The following XKR8 variants were observed in gnomAD, a reference collection of about 807,000 sequenced individuals.
XKR8 encodes XK-related protein 8.
In XKR8, 10 loss-of-function variants were observed where a neutral mutation model predicts 17.1. The observed-to-expected ratio is 0.59, with a 90% confidence interval of 0.36 to 0.99. The LOEUF (loss-of-function observed/expected upper bound fraction) is 0.99, where lower values mean the gene tolerates loss of function less well. Ranked by LOEUF, XKR8 falls within the 50% of genes least tolerant of loss-of-function variation. The pLI is 0.01. For missense variants in XKR8, 411 were observed against 515.6 expected (o/e 0.80, Z 1.96); for synonymous variants, 213 against 251.9 (o/e 0.85, Z 1.46).
rs1221093909 is a variant in XKR8 at position 27,967,277 on chromosome 1, G to A, written c.*77G>A. On this transcript the variant is annotated 3_prime_UTR_variant, in exon 3 of 3. Coordinates refer to ENST00000373884, the MANE Select transcript of XKR8 (RefSeq NM_018053.4). This position sits in a 1 kb window ranked among gnomAD's most constrained non-coding sequence, Gnocchi z 4.3. ...GTGACTCTGTTGGCAGAAGGCAGGC[G>A]AGGATAAGCTAACGATGCTGCTGTG... is the stretch of plus-strand genomic sequence containing the variant. The A allele has an allele frequency of 2.7e-5, 39 of 1,461,962 alleles. No individual in the cohort carries two copies. Among genetic ancestry groups the A allele is most frequent in the South Asian group, 4.1e-5 (3 of 72,566 alleles). 90.6% of individuals were successfully genotyped at this position (1,461,962 alleles called of 1,614,324 possible). A position where few individuals can be genotyped will look rare whatever the true frequency, so the allele number is the denominator to read the frequency against.
chr1:27,963,545 G>A lies in XKR8; in HGVS notation c.342G>A (p.Glu114=), dbSNP rs773851805. ...GGCTGCTGGTGTGGCAGCAGGAGGA[G>A]CCCTCTGAGTTTGACTTGGCCTACG... ...RQGLLVWQQE[E]PSEFDLAYAD... The change falls in exon 2 of 3, where the codon GAG becomes GAA. Residue 114 remains glutamate (E), a synonymous_variant. Transcript: ENST00000373884. The A allele has an allele frequency of 1.9e-5, 31 of 1,613,776 alleles. No individual in the cohort carries two copies. Among genetic ancestry groups the A allele is most frequent in the South Asian group, 3.3e-5 (3 of 91,068 alleles).
rs1428674601 is a variant in XKR8, at chr1:27,960,047, G to GAGAGGGC, written c.-22_-16dup. The stretch of plus-strand genomic sequence containing the variant: ...GCAGGCCCCAACCGCGGAGGAGCAG[G>GAGAGGGC]AGAGGGCGGAGGCCGGCGGGCCATG... On this transcript the variant is annotated 5_prime_UTR_variant, in exon 1 of 3. Coordinates refer to ENST00000373884, the MANE Select transcript of XKR8 (RefSeq NM_018053.4). The surrounding 1 kb of genome is among the most constrained non-coding windows in gnomAD (Gnocchi z 5.9). 2 of 1,408,234 alleles carry GAGAGGGC rather than the reference G, an allele frequency of 1.4e-6. No homozygotes were observed. The highest frequency in any genetic ancestry group is 1.8e-6 in the Non-Finnish European group (2 of 1,086,634). 87.2% of individuals were successfully genotyped at this position (1,408,234 alleles called of 1,614,324 possible).
chr1:27,960,238 T>C lies in XKR8; in HGVS notation c.169T>C (p.Ser57Pro). The change falls in exon 1 of 3, where the codon TCC (serine) becomes CCC (proline). Residue 57 changes from serine to proline, a missense_variant. Physicochemically the swap from Ser to Pro is moderately conservative, Grantham distance 74 (BLOSUM62 -1). Transcript: ENST00000373884. The surrounding 1 kb of genome is among the most constrained non-coding windows in gnomAD (Gnocchi z 5.9). Reference sequence around the variant, plus strand: ...GGTGCTGGCGCTGCTGGGCCTGGCCTCCGTGGCGCTGCAGCTCTTCAGCTG... The same window carrying C: ...GGTGCTGGCGCTGCTGGGCCTGGCCCCCGTGGCGCTGCAGCTCTTCAGCTG... Reference protein sequence around the residue: ...ALVLALLGLASVALQLFSWLW... With the variant: ...ALVLALLGLAPVALQLFSWLW... 6.6e-7 allele frequency: 1 copy of C among 1,526,250 alleles called. No individual in the cohort carries two copies. Among genetic ancestry groups the C allele is most frequent in the East Asian group, 2.5e-5 (1 of 40,116 alleles). The allele number at this position is 1,526,250 out of a possible 1,614,324, so 94.5% of individuals were successfully genotyped here.
In XKR8 at chr1:27,965,761, A is replaced by C. The variant is rs1187139949; in HGVS notation, c.491-742A>C. On this transcript the variant is annotated intron_variant, in intron 2 of 2. Coordinates refer to ENST00000373884, the MANE Select transcript of XKR8 (RefSeq NM_018053.4). This position sits in a 1 kb window ranked among gnomAD's most constrained non-coding sequence, Gnocchi z 4.1. ...GGCGCCTAATAGGTTCCCAGTAAAC[A>C]TCTGTCGAATGACTGCGGTGGACGG... is the stretch of plus-strand genomic sequence containing the variant. Among the ~76,000 whole-genome samples the C allele has an allele frequency of 6.6e-6, 1 of 152,194 alleles. No homozygotes were observed. The highest frequency in any genetic ancestry group is 6.5e-5 in the Admixed American group (1 of 15,276).
At position 27,960,288 on chromosome 1, in the gene XKR8, C is replaced by G; in HGVS notation, c.219C>G (p.Ala73=). Residue 73 remains alanine (A), a synonymous_variant, in exon 1 of 3, where the codon GCC becomes GCG. Coordinates refer to ENST00000373884, the MANE Select transcript of XKR8 (RefSeq NM_018053.4). This position sits in a 1 kb window ranked among gnomAD's most constrained non-coding sequence, Gnocchi z 5.9. ...FSWLWLRADP[A]GLHGSQPPRR... is the part of the protein sequence containing the mutation. ...GGCTCTGGCTGCGCGCTGACCCTGC[C>G]GGCCTGCACGGGTCGCAGCCCCCGC... The G allele has an allele frequency of 2.0e-6, 3 of 1,492,476 alleles. No individual in the cohort carries two copies. The highest frequency in any genetic ancestry group is 2.7e-6 in the Non-Finnish European group (3 of 1,127,818). The allele number at this position is 1,492,476 out of a possible 1,614,324, so 92.5% of individuals were successfully genotyped here.
rs1266806875 is a variant in XKR8 at position 27,965,556 on chromosome 1, G to C, written c.491-947G>C. ...GGCTCTTCAAGCTGGGGCCTGCGGG[G>C]TAATGGAGGAGTAGGCCGGGGAAGT... On this transcript the variant is annotated intron_variant, in intron 2 of 2. Coordinates refer to ENST00000373884, the MANE Select transcript of XKR8 (RefSeq NM_018053.4). This position sits in a 1 kb window ranked among gnomAD's most constrained non-coding sequence, Gnocchi z 4.1. Among the ~76,000 whole-genome samples the C allele has an allele frequency of 6.6e-6, 1 of 152,148 alleles. No individual in the cohort carries two copies. Among genetic ancestry groups the C allele is most frequent in the Non-Finnish European group, 1.5e-5 (1 of 68,020 alleles).
chr1:27,960,366 A>C lies in XKR8; in HGVS notation c.293+4A>C. On this transcript the variant is annotated splice_donor_region_variant and intron_variant, in intron 1 of 2. Coordinates refer to ENST00000373884, the MANE Select transcript of XKR8 (RefSeq NM_018053.4). The surrounding 1 kb of genome is among the most constrained non-coding windows in gnomAD (Gnocchi z 5.9). Reference sequence around the variant, plus strand: ...TGCAGCTGGGTTACCTGTACAGGTGAGTGCTTCGCCCCGGGAGGGGAGGAG... The same window carrying C: ...TGCAGCTGGGTTACCTGTACAGGTGCGTGCTTCGCCCCGGGAGGGGAGGAG... 1 of 1,371,460 alleles carries C rather than the reference A, an allele frequency of 7.3e-7. No homozygotes were observed. Among genetic ancestry groups the C allele is most frequent in the Non-Finnish European group, 9.4e-7 (1 of 1,066,844 alleles). 85.0% of individuals were successfully genotyped at this position (1,371,460 alleles called of 1,614,324 possible).
rs1299132126 is a variant in XKR8, at chr1:27,967,184, CG to C, written c.1173del (p.Pro392GlnfsTer2). The stretch of plus-strand genomic sequence containing the variant: ...CCCAAGGCTAAGGATGAGGCTGCTT[CG>C]CCAGTGAAGGGATAGGTGAACGGCG... ...FFPKAKDEAA[S>X]PVKG On this transcript the variant is annotated frameshift_variant, in exon 3 of 3. Transcript: ENST00000373884. LOFTEE classifies it high-confidence loss of function. The surrounding 1 kb of genome is among the most constrained non-coding windows in gnomAD (Gnocchi z 4.3). 1 of 1,556,970 alleles carries C rather than the reference CG, an allele frequency of 6.4e-7. No individual in the cohort carries two copies. The highest frequency in any genetic ancestry group is 8.7e-7 in the Non-Finnish European group (1 of 1,149,050).
At position 27,967,427 on chromosome 1, in the gene XKR8, G is replaced by A. The variant is rs1638599420; in HGVS notation, c.*227G>A. ...AACAAGATGAGAAGGGCTGGGCCCT[G>A]GAGGGTCAAGAGCCCCAATTATGTA... is the stretch of plus-strand genomic sequence containing the variant. On this transcript the variant is annotated 3_prime_UTR_variant, in exon 3 of 3. Transcript: ENST00000373884. The surrounding 1 kb of genome is among the most constrained non-coding windows in gnomAD (Gnocchi z 4.3). 11 of 444,870 alleles carry A rather than the reference G, an allele frequency of 2.5e-5. No homozygotes were observed. The highest frequency in any genetic ancestry group is 4.0e-5 in the Non-Finnish European group (10 of 252,224). The allele number at this position is 444,870 out of a possible 1,614,324, so 27.6% of individuals were successfully genotyped here.
intron 1 of XKR8, 111 bp from the exon 2 acceptor site, chr1:27,963,386 T>C: frequency 1.5e-6 from 2 of 1,305,628 alleles, no homozygotes; most frequent in Non-Finnish European, 2.1e-6. Context: ...CCCCATAGCA[T>C]GGATGTGAGG....
Position 27,966,266 on chromosome 1 carries a change from A to G in XKR8, c.491-237A>G, listed in dbSNP as rs1306941763. Among the ~76,000 whole-genome samples the G allele has an allele frequency of 6.6e-6, 1 of 152,180 alleles. No individual in the cohort carries two copies. Among genetic ancestry groups the G allele is most frequent in the African/African-American group, 2.4e-5 (1 of 41,428 alleles). On this transcript the variant is annotated intron_variant, in intron 2 of 2. Coordinates refer to ENST00000373884, the MANE Select transcript of XKR8 (RefSeq NM_018053.4). The surrounding 1 kb of genome is among the most constrained non-coding windows in gnomAD (Gnocchi z 4.3). ...CATCTTTGACAAATACCACCCGGATAGCACCTACGCAGCAAAGCGCTGTGG... is the reference window on the plus strand; with the variant it reads ...CATCTTTGACAAATACCACCCGGATGGCACCTACGCAGCAAAGCGCTGTGG...
At chr1:27,961,361 C>T (rs1048732092) in intron 1 of XKR8, among the ~76,000 whole-genome samples, 4 of 152,200 alleles carry the variant, frequency 2.6e-5, no homozygotes, top group African/African-American at 9.7e-5. Context: ...TGGCCAGGGC[C>T]AGGATCTGCT....
At chr1:27,963,417 C>G in intron 1 of XKR8, 80 bp from the exon 2 acceptor site, 1 of 1,499,676 alleles carries the variant, frequency 6.7e-7, no homozygotes, top group Admixed American at 2.1e-5. Context: ...GAGCCTGTGT[C>G]CACTCATTAG....
intron 2 of XKR8, among the ~76,000 whole-genome samples, chr1:27,964,746 A>G (rs1303630038): frequency 2.0e-5 from 3 of 152,156 alleles, no homozygotes; most frequent in African/African-American, 7.2e-5. Context: ...GGGTTTTTGC[A>G]TGAAAGGAAA....
chr1:27,966,440 G>A lies in XKR8; in HGVS notation c.491-63G>A. The A allele has an allele frequency of 6.6e-7, 1 of 1,513,970 alleles. No individual in the cohort carries two copies. The highest frequency in any genetic ancestry group is 9.0e-7 in the Non-Finnish European group (1 of 1,115,268). 93.8% of individuals were successfully genotyped at this position (1,513,970 alleles called of 1,614,324 possible). A position where few individuals can be genotyped will look rare whatever the true frequency, so the allele number is the denominator to read the frequency against. ...CTGGGAGGGCCCCCACGGTACCTGT[G>A]ACCGCTGGGGAGTGCCAAGCAGGCT... On this transcript the variant is annotated intron_variant, in intron 2 of 2. Coordinates refer to ENST00000373884, the MANE Select transcript of XKR8 (RefSeq NM_018053.4). This position sits in a 1 kb window ranked among gnomAD's most constrained non-coding sequence, Gnocchi z 4.3.
rs1638547443 is a variant in XKR8, at chr1:27,965,290, G to A, written c.491-1213G>A. On this transcript the variant is annotated intron_variant, in intron 2 of 2. Transcript: ENST00000373884. This position sits in a 1 kb window ranked among gnomAD's most constrained non-coding sequence, Gnocchi z 4.1. The stretch of plus-strand genomic sequence containing the variant: ...TGAGTGTGGCAGGGGGTAAGGGGGC[G>A]AGACAGATTTTCCCTACTTTTTATT... 6.6e-6 allele frequency among the ~76,000 whole-genome samples: 1 copy of A among 152,114 alleles called. No homozygotes were observed. The highest frequency in any genetic ancestry group is 1.5e-5 in the Non-Finnish European group (1 of 68,014).
rs1035262443 is a variant in XKR8, at chr1:27,966,386, G to A, written c.491-117G>A. 26 of 1,003,702 alleles carry A rather than the reference G, an allele frequency of 2.6e-5. No homozygotes were observed. The highest frequency in any genetic ancestry group is 3.8e-5 in the Non-Finnish European group (26 of 683,838). 62.2% of individuals were successfully genotyped at this position (1,003,702 alleles called of 1,614,324 possible). ...AGCTGCAGATTTGCCTTCAACAAAC[G>A]AGGGATTCTAATACCTACCCCAGGG... On this transcript the variant is annotated intron_variant, in intron 2 of 2. Coordinates refer to ENST00000373884, the MANE Select transcript of XKR8 (RefSeq NM_018053.4). This position sits in a 1 kb window ranked among gnomAD's most constrained non-coding sequence, Gnocchi z 4.3.
intron 2 of XKR8, among the ~76,000 whole-genome samples, chr1:27,964,976 C>T (rs1460435700): frequency 6.6e-6 from 1 of 152,144 alleles, no homozygotes; most frequent in Non-Finnish European, 1.5e-5. Flanking sequence ...TCCAAGGGCC[C>T]TTTCGTCTTG....
rs1055637321 is a variant in XKR8, at chr1:27,965,819, G to A, written c.491-684G>A. ...GGAGGAAGCAGTCGGGAGACGTGCC[G>A]GTGCCACTTCCATCCCTCCCTGGAG... On this transcript the variant is annotated intron_variant, in intron 2 of 2. Transcript: ENST00000373884. This position sits in a 1 kb window ranked among gnomAD's most constrained non-coding sequence, Gnocchi z 4.1. Among the ~76,000 whole-genome samples, 2 of 152,152 alleles carry A rather than the reference G, an allele frequency of 1.3e-5. No homozygotes were observed. Among genetic ancestry groups the A allele is most frequent in the South Asian group, 2.1e-4 (1 of 4,820 alleles).
Sources: gnomAD v4.1 joint callset for allele counts (sites outside exome capture counted in the v4.1 genomes callset) on GRCh38, gnomAD v4.1.1 for gene constraint, Gnocchi (gnomAD v3.1) non-coding constraint, MANE v1.5 for transcripts, NCBI Gene and HGNC (gene_info 2026-07-23, HGNC 2026-07-21) for gene names.